Variants in PIP5K1B observed in about 807,000 individuals in gnomAD.
PIP5K1B encodes the protein phosphatidylinositol 4-phosphate 5-kinase type-1 beta.
In PIP5K1B, 42 loss-of-function variants were observed where a neutral mutation model predicts 67.0. The observed-to-expected ratio is 0.63, with a 90% CI of 0.49 to 0.81. The LOEUF is 0.81. Ranked by LOEUF, PIP5K1B falls within the 30% of genes least tolerant of loss-of-function variation. The pLI, the probability that PIP5K1B is intolerant of heterozygous loss-of-function variation, is 0.00. For missense variants in PIP5K1B, 459 were observed against 646.3 expected, an observed-to-expected ratio of 0.71 and a Z score of 3.14; for synonymous variants, 214 against 231.4, an observed-to-expected ratio of 0.92 and a Z score of 0.68.
chr9:68,716,235 C>T (rs1301650849), intron 1 of PIP5K1B, among the ~76,000 whole-genome samples: 3 of 152,234 alleles, frequency 2.0e-5, no homozygotes, highest in African/African-American at 7.2e-5. Flanking sequence ...CAGCCAGTTA[C>T]ATCTGACTTG....
At chr9:68,991,491 G>A (rs1402913320) in intron 15 of PIP5K1B, among the ~76,000 whole-genome samples, 2 of 152,174 alleles carry the variant, frequency 1.3e-5, no homozygotes, top group Non-Finnish European at 2.9e-5. Context: ...ACAAGAGAAC[G>A]AATCCTCTAA....
chr9:68,920,359 C>CTTTTTTTTTTTTTTTTTTTTTT lies in PIP5K1B; in HGVS notation c.1116+635_1116+656dup, dbSNP rs5898051. ...ATACATGCTGGCTGCCTGAGGTTGT[C>CTTTTTTTTTTTTTTTTTTTTTT]TTTTTTTTTTTTTTTTTTTTTTTTT... On this transcript the variant is annotated intron_variant, in intron 11 of 15. Transcript: ENST00000265382. 1.2e-3 allele frequency among the ~76,000 whole-genome samples: 118 copies of CTTTTTTTTTTTTTTTTTTTTTT among 98,372 alleles called. 42 individuals carry two copies. The highest frequency in any genetic ancestry group is 1.7e-3 in the African/African-American group (48 of 27,490). The allele number at this position is 98,372 out of a possible 152,430, so 64.5% of individuals were successfully genotyped here.
At chr9:68,908,060 T>G (rs1825698658) in intron 8 of PIP5K1B, among the ~76,000 whole-genome samples, 1 of 152,208 alleles carries the variant, frequency 6.6e-6, no homozygotes, top group Non-Finnish European at 1.5e-5. Flanking sequence ...GACGTGGATG[T>G]GGGTGCTTGG....
At chr9:68,823,618 G>A (rs949107694) in intron 4 of PIP5K1B, among the ~76,000 whole-genome samples, 4 of 152,136 alleles carry the variant, frequency 2.6e-5, no homozygotes, top group African/African-American at 7.2e-5. Flanking sequence ...GTTCAAACAC[G>A]TTACTGGGTA....
chr9:68,926,729 A>G (rs1826724478), intron 12 of PIP5K1B, among the ~76,000 whole-genome samples: 2 of 151,770 alleles, frequency 1.3e-5, no homozygotes, highest in Non-Finnish European at 1.5e-5. Context: ...GAGCCACCAC[A>G]CCCAGCTAAT....
intron 4 of PIP5K1B, among the ~76,000 whole-genome samples, chr9:68,854,204 C>T (rs551238427): frequency 2.0e-5 from 3 of 149,412 alleles, no homozygotes; most frequent in East Asian, 2.0e-4. Context: ...AATCACAGCT[C>T]GCTACAACCT....
rs558810934 is a variant in PIP5K1B at position 68,735,316 on chromosome 9, C to CTTTTTTTTTTTTTTTTTTTTTTTTTTTT, written c.-242-7184_-242-7157dup. ...CAGATTTGCTGTTTTCCCCTAGTGTCTTTTTTTTTTTTTTTTTTTTTTTTT... is the reference window on the plus strand; with the variant it reads ...CAGATTTGCTGTTTTCCCCTAGTGTCTTTTTTTTTTTTTTTTTTTTTTTTTTTTTTTTTTTTTTTTTTTTTTTTTTTTT... On this transcript the variant is annotated intron_variant, in intron 1 of 15. Coordinates refer to ENST00000265382, the MANE Select transcript of PIP5K1B (RefSeq NM_003558.4). Among the ~76,000 whole-genome samples the CTTTTTTTTTTTTTTTTTTTTTTTTTTTT allele has an allele frequency of 4.4e-4, 13 of 29,808 alleles. 4 individuals are homozygous for CTTTTTTTTTTTTTTTTTTTTTTTTTTTT. The highest frequency in any genetic ancestry group is 1.8e-3 in the East Asian group (2 of 1,086). 19.6% of individuals were successfully genotyped at this position (29,808 alleles called of 152,430 possible).
At chr9:68,805,264 G>A (rs1387032273) in intron 2 of PIP5K1B, among the ~76,000 whole-genome samples, 3 of 152,206 alleles carry the variant, frequency 2.0e-5, no homozygotes, top group African/African-American at 4.8e-5. Flanking sequence ...TGGGAAGAAT[G>A]GTGGAGGAGC....
chr9:68,732,487 A>G (rs1464065696), intron 1 of PIP5K1B, among the ~76,000 whole-genome samples: 1 of 152,220 alleles, frequency 6.6e-6, no homozygotes, highest in Non-Finnish European at 1.5e-5. Context: ...TCCCGGTGTT[A>G]GGGATCAACC....
chr9:69,002,185 T>C (rs893876337), intron 15 of PIP5K1B, among the ~76,000 whole-genome samples: 6 of 152,326 alleles, frequency 3.9e-5, no homozygotes, highest in African/African-American at 1.4e-4. Context: ...ACAAAATAGC[T>C]GTCTTCATCC....
intron 6 of PIP5K1B, among the ~76,000 whole-genome samples, chr9:68,881,259 T>C (rs1213542113): frequency 6.6e-6 from 1 of 152,228 alleles, no homozygotes; most frequent in Non-Finnish European, 1.5e-5. Flanking sequence ...CCCATTGACC[T>C]GTGATTGTCC....
rs1833787752 is a variant in PIP5K1B at position 68,822,661 on chromosome 9, A to G, written c.47A>G (p.Asn16Ser). ...GGAGAGGCAGCACCTGGAAAACAAA[A>G]TGAAGAAAAAACCTATAAAAAGGTG... is the stretch of plus-strand genomic sequence containing the variant. ...ENGEAAPGKQ[N>S]EEKTYKKTAS... is the part of the protein sequence containing the mutation. The change falls in exon 4 of 16, where the codon AAT becomes AGT. Residue 16 changes from asparagine to serine, a missense_variant. Physicochemically the swap from Asn to Ser is conservative, Grantham distance 46 (BLOSUM62 1). Coordinates refer to ENST00000265382, the MANE Select transcript of PIP5K1B (RefSeq NM_003558.4). 2 of 1,613,276 alleles carry G rather than the reference A, an allele frequency of 1.2e-6. No homozygotes were observed. Among genetic ancestry groups the G allele is most frequent in the Non-Finnish European group, 1.7e-6 (2 of 1,179,416 alleles).
chr9:68,821,675 T>C (rs1012995389), intron 3 of PIP5K1B, among the ~76,000 whole-genome samples: 5 of 152,226 alleles, frequency 3.3e-5, no homozygotes, highest in Admixed American at 2.6e-4. Context: ...TAGTAAAAGC[T>C]TTAAATTTTT....
chr9:68,919,535 G>A lies in PIP5K1B; in HGVS notation c.1040G>A (p.Gly347Asp). 1 of 1,596,280 alleles carries A rather than the reference G, an allele frequency of 6.3e-7. No individual in the cohort carries two copies. The highest frequency in any genetic ancestry group is 2.2e-5 in the East Asian group (1 of 44,644). ...GGAGAAAAACTACTTTTATTTATGG[G>A]CATTATTGACATTCTGCAATCATAT... ...HRGEKLLLFM[G>D]IIDILQSYRL... The change falls in exon 10 of 16, where the codon GGC becomes GAC. Residue 347 changes from glycine to aspartate, a missense_variant. Physicochemically the swap from Gly to Asp is moderately conservative, Grantham distance 94. Coordinates refer to ENST00000265382, the MANE Select transcript of PIP5K1B (RefSeq NM_003558.4).
At chr9:68,949,818 G>T (rs145359000) in intron 14 of PIP5K1B, among the ~76,000 whole-genome samples, 2 of 152,208 alleles carry the variant, frequency 1.3e-5, no homozygotes, top group Non-Finnish European at 2.9e-5. Flanking sequence ...GGAAAGTGGC[G>T]TGCAGAAAAC....
chr9:68,788,639 C>T (rs963808555), intron 2 of PIP5K1B: 1 of 233,162 alleles, frequency 4.3e-6, no homozygotes, highest in Non-Finnish European at 8.4e-6. Flanking sequence ...TTGTTTTTCC[C>T]ACATCCCAAA....
At chr9:69,002,155 A>T (rs1444234345) in intron 15 of PIP5K1B, among the ~76,000 whole-genome samples, 1 of 152,102 alleles carries the variant, frequency 6.6e-6, no homozygotes. Context: ...GAATTCAACC[A>T]ACAGTCTACC....
intron 2 of PIP5K1B, chr9:68,780,621 G>A: frequency 6.2e-7 from 1 of 1,614,216 alleles, no homozygotes; most frequent in Non-Finnish European, 8.5e-7. Context: ...TCGGGGAATT[G>A]GGAAGCAGTG....
intron 4 of PIP5K1B, among the ~76,000 whole-genome samples, chr9:68,837,767 T>G (rs1372460283): frequency 6.6e-6 from 1 of 151,998 alleles, no homozygotes; most frequent in Non-Finnish European, 1.5e-5. Flanking sequence ...GTATTCTTAA[T>G]TTTCAAAAAT....
Sources: gnomAD v4.1 joint callset for allele counts (sites outside exome capture counted in the v4.1 genomes callset) on GRCh38, gnomAD v4.1.1 for gene constraint, MANE v1.5 for transcripts, NCBI Gene and HGNC (gene_info 2026-07-23, HGNC 2026-07-21) for gene names.